Variants in CDIN1 observed in about 807,000 individuals in gnomAD.
CDIN1 encodes CDAN1-interacting nuclease 1.
Under a neutral mutation model 45.3 loss-of-function variants are expected in CDIN1, and 33 were observed. The ratio of observed to expected loss-of-function variants is 0.73; its 90% CI spans 0.55 to 0.97. The LOEUF (loss-of-function observed/expected upper bound fraction) is 0.97. Ranked by LOEUF, CDIN1 falls within the 50% of genes least tolerant of loss-of-function variation. The probability of loss-of-function intolerance (pLI) is 0.00; values close to 1 mark genes in which losing one functional copy is unlikely to be tolerated. For synonymous variants in CDIN1, 118 were observed against 124.4 expected (o/e 0.95, Z 0.34); for missense variants, 303 against 339.4 (o/e 0.89, Z 0.84).
intron 1 of CDIN1, among the ~76,000 whole-genome samples, chr15:36,600,354 T>C (rs1398293684): frequency 2.0e-5 from 3 of 152,152 alleles, no homozygotes; most frequent in Non-Finnish European, 4.4e-5. Flanking sequence ...TTTTCATCAG[T>C]ATGAAGGCGG....
intron 1 of CDIN1, among the ~76,000 whole-genome samples, chr15:36,583,608 A>C (rs936851800): frequency 1.3e-5 from 2 of 152,224 alleles, no homozygotes; most frequent in Non-Finnish European, 2.9e-5. Flanking sequence ...GGAGACTGCA[A>C]CTTTAAGTGA....
At chr15:36,594,116 A>G (rs142977407) in intron 1 of CDIN1, among the ~76,000 whole-genome samples, 55 of 152,232 alleles carry the variant, frequency 3.6e-4, no homozygotes, top group African/African-American at 1.3e-3. Context: ...CAAGACAGTA[A>G]TTTTTCTCCT....
At chr15:36,769,403 T>TA (rs1218001009) in intron 10 of CDIN1, among the ~76,000 whole-genome samples, 1 of 152,196 alleles carries the variant, frequency 6.6e-6, no homozygotes, top group East Asian at 1.9e-4. Flanking sequence ...ATTTCTGTGT[T>TA]AAAGTCCTGA....
At chr15:36,751,010 A>G (rs529042277) in intron 10 of CDIN1, among the ~76,000 whole-genome samples, 51 of 152,038 alleles carry the variant, frequency 3.4e-4, no homozygotes, top group African/African-American at 1.2e-3. Context: ...TTTATTTTTT[A>G]TATTTTTGTA....
At position 36,800,905 on chromosome 15, in the gene CDIN1, G is replaced by GTCTATATATATA. The variant is rs1437486563; in HGVS notation, c.717-7418_717-7417insCTATATATATAT. On this transcript the variant is annotated intron_variant, in intron 10 of 10. Coordinates refer to ENST00000566621, the MANE Select transcript of CDIN1 (RefSeq NM_001321759.2). ...TGTGTGTGTGTGTGTGTGTGTGTGT[G>GTCTATATATATA]TGTGTATATATATATATATATATAT... Among the ~76,000 whole-genome samples, 3 of 22,110 alleles carry GTCTATATATATA rather than the reference G, an allele frequency of 1.4e-4. No homozygotes were observed. The East Asian group carries it at 6.9e-3, about 51-fold the overall frequency. 14.5% of individuals were successfully genotyped at this position (22,110 alleles called of 152,430 possible).
chr15:36,698,571 A>G (rs1460977797), intron 8 of CDIN1, among the ~76,000 whole-genome samples: 1 of 152,224 alleles, frequency 6.6e-6, no homozygotes, highest in Non-Finnish European at 1.5e-5. Context: ...AGTTGGAATG[A>G]GTGACCTGTG....
chr15:36,670,361 T>C (rs919608976), intron 5 of CDIN1, among the ~76,000 whole-genome samples: 3 of 152,124 alleles, frequency 2.0e-5, no homozygotes, highest in Admixed American at 6.6e-5. Context: ...ATAAACTCTT[T>C]CGTTAGTTAC....
At chr15:36,689,357 A>G (rs900713265) in intron 5 of CDIN1, among the ~76,000 whole-genome samples, 8 of 152,142 alleles carry the variant, frequency 5.3e-5, no homozygotes, top group South Asian at 4.1e-4. Flanking sequence ...ATAGTTTGAT[A>G]TGAGATCTGT....
In CDIN1 at chr15:36,785,437, G is replaced by T. The variant is rs572335359; in HGVS notation, c.717-22887G>T. Reference sequence around the variant, plus strand: ...GGTTGGATAATCACTAACATTCTGGGATCATGACTTACTAACCCGGGAGTC... The same window carrying T: ...GGTTGGATAATCACTAACATTCTGGTATCATGACTTACTAACCCGGGAGTC... On this transcript the variant is annotated intron_variant, in intron 10 of 10. Coordinates refer to ENST00000566621, the MANE Select transcript of CDIN1 (RefSeq NM_001321759.2). Among the ~76,000 whole-genome samples, 3 of 145,752 alleles carry T rather than the reference G, an allele frequency of 2.1e-5. No individual in the cohort carries two copies. In the South Asian group the frequency reaches 6.3e-4, roughly 31 times the overall value.
intron 10 of CDIN1, among the ~76,000 whole-genome samples, chr15:36,711,286 A>G (rs2043047400): frequency 6.6e-6 from 1 of 152,188 alleles, no homozygotes; most frequent in Non-Finnish European, 1.5e-5. Flanking sequence ...CTCAATCAGT[A>G]GGGAGGCAGA....
intron 10 of CDIN1, among the ~76,000 whole-genome samples, chr15:36,786,120 A>G (rs572269762): frequency 2.6e-5 from 4 of 152,362 alleles, no homozygotes; most frequent in Admixed American, 6.5e-5. Context: ...GCAAATAAGG[A>G]ATATTTAGAA....
chr15:36,637,352 G>A (rs1361985582), intron 1 of CDIN1, among the ~76,000 whole-genome samples: 2 of 152,054 alleles, frequency 1.3e-5, no homozygotes, highest in African/African-American at 4.8e-5. Context: ...TCTTAGACAA[G>A]ACACAAAAAG....
At chr15:36,795,045 A>G (rs2054756860) in intron 10 of CDIN1, among the ~76,000 whole-genome samples, 1 of 146,728 alleles carries the variant, frequency 6.8e-6, no homozygotes, top group South Asian at 2.2e-4. Flanking sequence ...AATAACAAAT[A>G]TCACATGTTT....
chr15:36,605,481 A>C (rs1398002087), intron 1 of CDIN1, among the ~76,000 whole-genome samples: 1 of 152,192 alleles, frequency 6.6e-6, no homozygotes, highest in Admixed American at 6.5e-5. Context: ...AGATTGAGAG[A>C]GTCAAGTGAG....
rs1296809268 is a variant in CDIN1, at chr15:36,675,438, ATGCTTACAGAACAAGTGT to A, written c.347-16241_347-16224del. Among the ~76,000 whole-genome samples, 9 of 152,226 alleles carry A rather than the reference ATGCTTACAGAACAAGTGT, an allele frequency of 5.9e-5. No individual in the cohort carries two copies. The East Asian group carries it at 1.7e-3, about 29-fold the overall frequency. On this transcript the variant is annotated intron_variant, in intron 5 of 10. Coordinates refer to ENST00000566621, the MANE Select transcript of CDIN1 (RefSeq NM_001321759.2). ...CTGTCATTTGGGGTGTCCAAAGGTG[ATGCTTACAGAACAAGTGT>A]TGCTTCAGAGACTAATTGCCCTTCT...
chr15:36,690,946 C>G (rs1331705317), intron 5 of CDIN1, among the ~76,000 whole-genome samples: 1 of 152,098 alleles, frequency 6.6e-6, no homozygotes, highest in African/African-American at 2.4e-5. Context: ...TGCTATAGCA[C>G]CTTCATCAGA....
intron 10 of CDIN1, among the ~76,000 whole-genome samples, chr15:36,743,113 G>T (rs2044295739): frequency 6.6e-6 from 1 of 152,176 alleles, no homozygotes; most frequent in Non-Finnish European, 1.5e-5. Context: ...TGTGTGTCAG[G>T]ATAGAGAAGA....
intron 10 of CDIN1, chr15:36,734,342 C>T (rs1301824316): frequency 2.3e-5 from 10 of 427,696 alleles, no homozygotes; most frequent in East Asian, 7.0e-5. Context: ...ACTATGTAGT[C>T]GGGTATAAGA....
At chr15:36,591,270 T>C (rs1228824184) in intron 1 of CDIN1, among the ~76,000 whole-genome samples, 1 of 152,246 alleles carries the variant, frequency 6.6e-6, no homozygotes, top group Non-Finnish European at 1.5e-5. Context: ...TCTCTCAAGC[T>C]GATATCATCC....
Sources: gnomAD v4.1 joint callset for allele counts (sites outside exome capture counted in the v4.1 genomes callset) on GRCh38, gnomAD v4.1.1 for gene constraint, MANE v1.5 for transcripts, NCBI Gene and HGNC (gene_info 2026-07-23, HGNC 2026-07-21) for gene names.